VPS13B: variants seen among roughly 807,000 people sequenced by gnomAD.
VPS13B encodes vacuolar protein sorting 13 homolog B, also known as intermembrane lipid transfer protein VPS13B.
Under a neutral mutation model 426.4 loss-of-function variants are expected in VPS13B, and 285 were observed. The ratio of observed to expected loss-of-function variants is 0.67; its 90% CI spans 0.61 to 0.74. The LOEUF is 0.74. Among genes scored for constraint, VPS13B ranks in the 30% least tolerant of loss-of-function variants. VPS13B has a pLI of 0.00. For synonymous variants in VPS13B, 1,676 were observed against 1,676.4 expected (o/e 1.00, Z 0.01); for missense variants, 4,537 against 4,782.6 (o/e 0.95, Z 1.51).
chr8:99,430,082 T>A (rs1817007305), intron 21 of VPS13B, among the ~76,000 whole-genome samples: 1 of 152,228 alleles, frequency 6.6e-6, no homozygotes, highest in African/African-American at 2.4e-5. Context: ...CCCACTGAGA[T>A]CTGCATGGAT....
intron 30 of VPS13B, among the ~76,000 whole-genome samples, chr8:99,532,133 A>T (rs542529603): frequency 6.6e-6 from 1 of 152,166 alleles, no homozygotes; most frequent in African/African-American, 2.4e-5. Context: ...TGTTCATGCC[A>T]TGAATATTTC....
At chr8:99,588,146 A>C (rs1826406322) in intron 33 of VPS13B, among the ~76,000 whole-genome samples, 1 of 151,534 alleles carries the variant, frequency 6.6e-6, no homozygotes, top group Non-Finnish European at 1.5e-5. Context: ...GTGTGGTGTT[A>C]TTTCTGAGGG....
At position 99,520,855 on chromosome 8, in the gene VPS13B, T is replaced by C. The variant is rs544912738; in HGVS notation, c.4634-44T>C. 20 of 1,507,152 alleles carry C rather than the reference T, an allele frequency of 1.3e-5. No individual in the cohort carries two copies. The South Asian group carries it at 2.0e-4, about 15-fold the overall frequency. 93.4% of individuals were successfully genotyped at this position (1,507,152 alleles called of 1,614,324 possible). Reference sequence around the variant, plus strand: ...ATTTCTCCTTATGCATAAAGTTATGTACAGATCCACAGTGTATTCATGAAT... The same window carrying C: ...ATTTCTCCTTATGCATAAAGTTATGCACAGATCCACAGTGTATTCATGAAT... On this transcript the variant is annotated intron_variant, in intron 29 of 61. Transcript: ENST00000357162.
chr8:99,482,870 A>G (rs1820115260), intron 25 of VPS13B, among the ~76,000 whole-genome samples: 1 of 152,162 alleles, frequency 6.6e-6, no homozygotes, highest in Non-Finnish European at 1.5e-5. Flanking sequence ...TTTAAATCCC[A>G]ATAATGATAC....
intron 19 of VPS13B, among the ~76,000 whole-genome samples, chr8:99,290,027 G>T (rs558941793): frequency 6.6e-6 from 1 of 152,022 alleles, no homozygotes; most frequent in East Asian, 1.9e-4. Context: ...TTTTTATTAT[G>T]TATATTACTT....
At chr8:99,150,316 ATAGC>A in intron 14 of VPS13B, among the ~76,000 whole-genome samples, 1 of 152,312 alleles carries the variant, frequency 6.6e-6, no homozygotes, top group East Asian at 1.9e-4. Context: ...CCCCACGTAC[ATAGC>A]TTCCCTCTTT....
At chr8:99,557,202 T>C (rs945428661) in intron 31 of VPS13B, among the ~76,000 whole-genome samples, 2 of 152,014 alleles carry the variant, frequency 1.3e-5, no homozygotes, top group East Asian at 3.9e-4. Context: ...GTATAAGTTA[T>C]TTAGGGGTGA....
rs138221649 is a variant in VPS13B, at chr8:99,835,582, G to A, written c.9786G>A (p.Glu3262=). 6.2e-6 allele frequency: 10 copies of A among 1,614,072 alleles called. No homozygotes were observed. In the African/African-American group the frequency reaches 1.3e-4, roughly 22 times the overall value. The change falls in exon 54 of 62, where the codon GAG becomes GAA. Residue 3262 remains glutamate, a synonymous_variant. Coordinates refer to ENST00000357162, the MANE Select transcript of VPS13B (RefSeq NM_152564.5). The part of the protein sequence containing the change: ...FEVYCKKIPS[E]CSIHHELYHQ... ...TTTATTGCAAAAAAATTCCCTCCGAGTGCTCAATTCATCATGAGCTGTATC... is the reference window on the plus strand; with the variant it reads ...TTTATTGCAAAAAAATTCCCTCCGAATGCTCAATTCATCATGAGCTGTATC...
intron 25 of VPS13B, among the ~76,000 whole-genome samples, chr8:99,498,647 A>T (rs1392917197): frequency 6.6e-6 from 1 of 152,194 alleles, no homozygotes; most frequent in Non-Finnish European, 1.5e-5. Flanking sequence ...TAGATGATTT[A>T]TACTTTAAAC....
intron 44 of VPS13B, among the ~76,000 whole-genome samples, 192 bp downstream of exon 44, chr8:99,809,722 ACTT>A (rs1399531984): frequency 1.3e-5 from 2 of 152,128 alleles, no homozygotes; most frequent in African/African-American, 4.8e-5. Context: ...CCTTTGTCCC[ACTT>A]CTTTTACAAG....
chr8:99,785,936 T>G (rs1812239385), intron 43 of VPS13B, among the ~76,000 whole-genome samples: 1 of 152,200 alleles, frequency 6.6e-6, no homozygotes, highest in Non-Finnish European at 1.5e-5. Context: ...CTGTAGCCAC[T>G]TTACCGATGC....
Position 99,818,791 on chromosome 8 carries a change from G to A in VPS13B, c.8524G>A (p.Gly2842Arg). ...CATACATTTGGAGAAAAGGAGTCTG[G>A]GATTGAGTGAAACACAAATTATTCC... ...IIIHLEKRSL[G>R]LSETQIIPGK... Residue 2842 changes from glycine to arginine, a missense_variant, in exon 47 of 62, where the codon GGA becomes AGA. Around this residue, in one of 2 missense-constraint regions of VPS13B, gnomAD observed 4,311 missense variants for 4,474.3 expected, o/e 0.96. Transcript: ENST00000357162. 1.9e-6 allele frequency: 3 copies of A among 1,613,938 alleles called. No homozygotes were observed. The highest frequency in any genetic ancestry group is 1.7e-6 in the Non-Finnish European group (2 of 1,179,944).
At chr8:99,821,064 A>G (rs1354970283) in intron 49 of VPS13B, among the ~76,000 whole-genome samples, 1 of 145,126 alleles carries the variant, frequency 6.9e-6, no homozygotes, top group Non-Finnish European at 1.5e-5. Context: ...AAAAAAAAAT[A>G]CATTGGGAGC....
intron 3 of VPS13B, among the ~76,000 whole-genome samples, chr8:99,070,596 T>C (rs899850881): frequency 3.9e-5 from 6 of 152,196 alleles, no homozygotes; most frequent in African/African-American, 1.4e-4. Flanking sequence ...TTGTTTTTTG[T>C]TTTTCTGATA....
chr8:99,751,634 T>A (rs563057814), intron 39 of VPS13B, among the ~76,000 whole-genome samples: 1 of 152,330 alleles, frequency 6.6e-6, no homozygotes, highest in East Asian at 1.9e-4. Context: ...GTATACTTGA[T>A]AGGCTAATTA....
chr8:99,100,347 A>G (rs1300522801), intron 4 of VPS13B, among the ~76,000 whole-genome samples: 2 of 152,102 alleles, frequency 1.3e-5, no homozygotes, highest in Admixed American at 6.5e-5. Flanking sequence ...CTGGAGTGTG[A>G]TGGTGCAACT....
intron 39 of VPS13B, among the ~76,000 whole-genome samples, chr8:99,757,333 A>G (rs1200176776): frequency 6.6e-6 from 1 of 152,218 alleles, no homozygotes; most frequent in African/African-American, 2.4e-5. Flanking sequence ...CTGATAGGCT[A>G]CATCAGTTGC....
At chr8:99,112,085 G>A (rs909106094) in intron 6 of VPS13B, among the ~76,000 whole-genome samples, 1 of 152,136 alleles carries the variant, frequency 6.6e-6, no homozygotes, top group Non-Finnish European at 1.5e-5. Flanking sequence ...TCTGTCCAAT[G>A]TAGTGTATGT....
chr8:99,443,276 A>T (rs1161608536), intron 23 of VPS13B, among the ~76,000 whole-genome samples: 1 of 152,142 alleles, frequency 6.6e-6, no homozygotes, highest in Non-Finnish European at 1.5e-5. Context: ...CAAATTTTTG[A>T]CAGTGCTAAA....
Sources: allele counts gnomAD v4.1 joint callset (sites outside exome capture counted in the v4.1 genomes callset), GRCh38; gene constraint gnomAD v4.1.1; regional missense constraint gnomAD v4.1.1; transcripts MANE v1.5; gene names NCBI Gene and HGNC (gene_info 2026-07-23, HGNC 2026-07-21).